Variants in ZC3H14 observed in about 807,000 individuals in gnomAD.
ZC3H14 encodes the protein zinc finger CCCH-type containing 14, also known as zinc finger CCCH domain-containing protein 14.
ZC3H14 carries 31 observed loss-of-function variants against 92.4 expected under a neutral mutation model. That is an observed-to-expected ratio of 0.34 (90% CI 0.25 to 0.45). The LOEUF is 0.45. Ranked by LOEUF, ZC3H14 falls within the 20% of genes least tolerant of loss-of-function variation. The probability of loss-of-function intolerance (pLI) is 1.00; values close to 1 mark genes in which losing one functional copy is unlikely to be tolerated. For missense variants in ZC3H14, 781 were observed against 897.3 expected (o/e 0.87, Z 1.66); for synonymous variants, 321 against 300.9 (o/e 1.07, Z -0.69).
intron 15 of ZC3H14, 28 bp from the exon 16 acceptor site, chr14:88,610,806 T>C: frequency 1.3e-6 from 2 of 1,585,808 alleles, no homozygotes; most frequent in Non-Finnish European, 1.7e-6. Flanking sequence ...CTTGTGGATA[T>C]TGTTGAAGCT....
intron 9 of ZC3H14, among the ~76,000 whole-genome samples, chr14:88,580,250 A>G (rs1300166743): frequency 1.3e-5 from 2 of 152,190 alleles, no homozygotes; most frequent in Non-Finnish European, 2.9e-5. Context: ...GGTTGCAGTG[A>G]GCCATGATCA....
At chr14:88,563,422 G>T (rs968930822) in intron 1 of ZC3H14, 30 of 1,428,764 alleles carry the variant, frequency 2.1e-5, no homozygotes, top group Non-Finnish European at 2.3e-5. Flanking sequence ...CCACCACCGC[G>T]GCGCACGGCG....
chr14:88,603,063 G>A lies in ZC3H14; in HGVS notation c.1747+3G>A. 1 of 1,613,948 alleles carries A rather than the reference G, an allele frequency of 6.2e-7. No individual in the cohort carries two copies. The highest frequency in any genetic ancestry group is 8.5e-7 in the Non-Finnish European group (1 of 1,179,844). Reference sequence around the variant, plus strand: ...CCCAAATGGTAGCTTTTCTAACGGTGTGTTGAGAGCTCAGATTTTCAGGGT... The same window carrying A: ...CCCAAATGGTAGCTTTTCTAACGGTATGTTGAGAGCTCAGATTTTCAGGGT... On this transcript the variant is annotated splice_donor_region_variant and intron_variant, in intron 12 of 16. Transcript: ENST00000251038.
Position 88,618,208 on chromosome 14 carries a change from G to GT in ZC3H14, c.*6458dup. 1 of 1,603,732 alleles carries GT rather than the reference G, an allele frequency of 6.2e-7. No individual in the cohort carries two copies. The highest frequency in any genetic ancestry group is 8.5e-7 in the Non-Finnish European group (1 of 1,171,614). On this transcript the variant is annotated 3_prime_UTR_variant, in exon 17 of 17. Transcript: ENST00000251038. The stretch of plus-strand genomic sequence containing the variant: ...GGCCTTCAAAGTCAGTTCTTGCCTT[G>GT]TGAATATATAAGTATTTACCTAGTC...
chr14:88,610,952 A>C lies in ZC3H14; in HGVS notation c.2204+12A>C. On this transcript the variant is annotated intron_variant, in intron 16 of 16. Transcript: ENST00000251038. ...CGACCTCAAACCAGGTAAACATTCAAATTCGTTTTTCTCATGTCAGTTCAA... is the reference window on the plus strand; with the variant it reads ...CGACCTCAAACCAGGTAAACATTCACATTCGTTTTTCTCATGTCAGTTCAA... 6.4e-7 allele frequency: 1 copy of C among 1,571,074 alleles called. No individual in the cohort carries two copies. The highest frequency in any genetic ancestry group is 8.7e-7 in the Non-Finnish European group (1 of 1,144,590).
At chr14:88,590,232 C>A (rs1035928956) in intron 9 of ZC3H14, 4 of 152,344 alleles carry the variant, frequency 2.6e-5, no homozygotes, top group African/African-American at 9.6e-5. Flanking sequence ...TTCAAACTTG[C>A]CTTCCTTCAG....
chr14:88,573,045 A>C (rs781419904), intron 6 of ZC3H14, 38 bp downstream of exon 6: 2 of 1,609,520 alleles, frequency 1.2e-6, no homozygotes, highest in Non-Finnish European at 8.5e-7. Flanking sequence ...TAGGCTAAAA[A>C]TCGGCAGTTC....
chr14:88,602,764 T>G (rs1166842213), intron 11 of ZC3H14, 64 bp from the exon 12 acceptor site: 37 of 1,545,514 alleles, frequency 2.4e-5, no homozygotes, highest in Non-Finnish European at 3.2e-5. Flanking sequence ...GAAGAGCACT[T>G]TAGGGGGCTC....
At chr14:88,576,088 A>G in intron 8 of ZC3H14, 148 bp downstream of exon 8, 2 of 722,996 alleles carry the variant, frequency 2.8e-6, no homozygotes, top group Non-Finnish European at 4.5e-6. Flanking sequence ...AAATGGCTTT[A>G]AAAGGAAATT....
At chr14:88,571,241 T>A (rs2080350572) in intron 4 of ZC3H14, 117 bp downstream of exon 4, 5 of 855,320 alleles carry the variant, frequency 5.8e-6, no homozygotes, top group Admixed American at 3.0e-5. Context: ...TCATTTGAAC[T>A]TTTTTAGAAA....
At chr14:88,565,917 G>C (rs1342397375) in intron 2 of ZC3H14, among the ~76,000 whole-genome samples, 2 of 149,932 alleles carry the variant, frequency 1.3e-5, no homozygotes, top group Non-Finnish European at 1.5e-5. Context: ...GTTCGGGCTG[G>C]AGTGCAGTGG....
chr14:88,616,316 ATC>A lies in ZC3H14; in HGVS notation c.*4569_*4570del. On this transcript the variant is annotated 3_prime_UTR_variant, in exon 17 of 17. Transcript: ENST00000251038. ...TCAAAGGCTCTTATTAGGAACTATA[ATC>A]TCTATGACAAGAGCTGTGGAGAGAG... is the stretch of plus-strand genomic sequence containing the variant. 6 of 1,393,272 alleles carry A rather than the reference ATC, an allele frequency of 4.3e-6. No individual in the cohort carries two copies. The highest frequency in any genetic ancestry group is 3.4e-5 in the Admixed American group (2 of 59,420). The allele number at this position is 1,393,272 out of a possible 1,614,324, so 86.3% of individuals were successfully genotyped here.
chr14:88,586,201 GACA>G (rs2082458916), intron 9 of ZC3H14, among the ~76,000 whole-genome samples: 2 of 152,234 alleles, frequency 1.3e-5, no homozygotes, highest in African/African-American at 2.4e-5. Flanking sequence ...ACACAAGTTG[GACA>G]ACATTTTTGT....
At position 88,627,153 on chromosome 14, in the gene ZC3H14, A is replaced by G. The variant is rs759887516; in HGVS notation, c.*15402A>G. On this transcript the variant is annotated 3_prime_UTR_variant, in exon 17 of 17. Coordinates refer to ENST00000251038, the MANE Select transcript of ZC3H14 (RefSeq NM_024824.5). ...AGTTCAAAAAACAAAGGCTTAGAAG[A>G]GAGGCCAATGGCCCCTGCTCTACTA... is the stretch of plus-strand genomic sequence containing the variant. 2.7e-6 allele frequency: 3 copies of G among 1,110,040 alleles called. No homozygotes were observed. The highest frequency in any genetic ancestry group is 4.0e-6 in the Non-Finnish European group (3 of 754,688). 68.8% of individuals were successfully genotyped at this position (1,110,040 alleles called of 1,614,324 possible).
intron 1 of ZC3H14, 48 bp from the exon 2 acceptor site, chr14:88,563,603 T>TA: frequency 6.2e-7 from 1 of 1,609,428 alleles, no homozygotes; most frequent in Non-Finnish European, 8.5e-7. Context: ...CGGTCTTGTT[T>TA]TCCTAGAGCC....
intron 5 of ZC3H14, 131 bp from the exon 6 acceptor site, chr14:88,572,447 G>T: frequency 8.0e-7 from 1 of 1,254,380 alleles, no homozygotes; most frequent in Non-Finnish European, 1.1e-6. Flanking sequence ...TTTCAAAGCA[G>T]TTTTGAATGG....
At chr14:88,589,368 T>C (rs1382980823) in intron 9 of ZC3H14, 2 of 152,214 alleles carry the variant, frequency 1.3e-5, no homozygotes, top group Non-Finnish European at 2.9e-5. Flanking sequence ...CCTTCTTCTC[T>C]GCCTTACATC....
At chr14:88,603,993 G>A (rs1361669693) in intron 12 of ZC3H14, among the ~76,000 whole-genome samples, 1 of 152,058 alleles carries the variant, frequency 6.6e-6, no homozygotes, top group East Asian at 1.9e-4. Context: ...ATTAGTGGAG[G>A]GAGTTGAAAA....
chr14:88,609,951 C>T (rs751506424), intron 15 of ZC3H14, 148 bp downstream of exon 15: 13 of 862,174 alleles, frequency 1.5e-5, no homozygotes, highest in Non-Finnish European at 2.2e-5. Flanking sequence ...GTCACTGAAC[C>T]TCCATCTGGC....
Sources: allele counts gnomAD v4.1 joint callset (sites outside exome capture counted in the v4.1 genomes callset), GRCh38; gene constraint gnomAD v4.1.1; transcripts MANE v1.5; gene names NCBI Gene and HGNC (gene_info 2026-07-23, HGNC 2026-07-21).